Variants in TRAPPC2L observed in about 807,000 individuals in gnomAD.
TRAPPC2L encodes trafficking protein particle complex subunit 2L.
In TRAPPC2L, 17 loss-of-function variants were observed where a neutral mutation model predicts 13.2. That is an observed-to-expected ratio of 1.29 (90% CI 0.88 to 1.93). The LOEUF (loss-of-function observed/expected upper bound fraction) is 1.93. Ranked by LOEUF, TRAPPC2L falls within the 30% of genes most tolerant of loss-of-function variation. TRAPPC2L has a pLI of 0.00. For missense variants in TRAPPC2L, 359 were observed against 252.1 expected, an observed-to-expected ratio of 1.42 and a Z score of -2.87; for synonymous variants, 150 against 98.1, an observed-to-expected ratio of 1.53 and a Z score of -3.12.
chr16:88,858,710 A>T, exon 2 of TRAPPC2L: 2 of 1,613,636 alleles, frequency 1.2e-6, no homozygotes, highest in Non-Finnish European at 1.7e-6. Context: ...GTGGATGAGA[A>T]GATCTCCGCA....
chr16:88,856,938 C>T (rs1820483602), upstream of TRAPPC2L: 7 of 1,464,164 alleles, frequency 4.8e-6, no homozygotes, highest in Admixed American at 5.1e-5. Flanking sequence ...GTCCGCCGGC[C>T]CTTCCGGCTG....
At chr16:88,859,129 A>C (rs888140383) in intron 2 of TRAPPC2L, 1 of 438,838 alleles carries the variant, frequency 2.3e-6, no homozygotes, top group East Asian at 4.9e-5. Context: ...AGGGGATAAT[A>C]GTTTCATTTA....
chr16:88,857,997 C>G (rs1968082090), intron 1 of TRAPPC2L, among the ~76,000 whole-genome samples: 1 of 152,074 alleles, frequency 6.6e-6, no homozygotes, highest in African/African-American at 2.4e-5. Flanking sequence ...TGATCATTTG[C>G]TTGTTTGTGG....
upstream of TRAPPC2L, chr16:88,856,314 A>C (rs1183787381): frequency 5.7e-6 from 4 of 702,688 alleles, no homozygotes; most frequent in Admixed American, 8.0e-5. Context: ...AGGGCGACGC[A>C]GCTCTCAGGC....
At chr16:88,861,460 G>C (rs1455259242) in exon 4 of TRAPPC2L, 32 of 349,944 alleles carry the variant, frequency 9.1e-5, no homozygotes, top group Non-Finnish European at 1.7e-4. Context: ...TTTGCATCTG[G>C]CTCAATGTCT....
At chr16:88,856,580 T>TC (rs1390574172), upstream of TRAPPC2L, 11 of 425,796 alleles carry the variant, frequency 2.6e-5, no homozygotes, top group African/African-American at 1.9e-4. Context: ...CGCACGGGGA[T>TC]ACCCCCCGTC....
chr16:88,860,016 C>G (rs750449540), exon 4 of TRAPPC2L: 1 of 1,472,300 alleles, frequency 6.8e-7, no homozygotes, highest in Admixed American at 1.8e-5. Flanking sequence ...TTCTGTAGGA[C>G]ATGCCTTGCC....
At chr16:88,859,540 C>T in intron 2 of TRAPPC2L, 123 bp from the exon 3 acceptor site, 1 of 962,930 alleles carries the variant, frequency 1.0e-6, no homozygotes, top group South Asian at 1.3e-5. Flanking sequence ...CACTGCAGGA[C>T]CAGCCCAGCA....
exon 2 of TRAPPC2L, chr16:88,858,702 G>A: frequency 1.2e-6 from 2 of 1,613,640 alleles, no homozygotes; most frequent in Non-Finnish European, 1.7e-6. Flanking sequence ...TGGACGTGGT[G>A]GATGAGAAGA....
Position 88,857,184 on chromosome 16 carries a change from G to A in TRAPPC2L, c.33+1G>A, listed in dbSNP as rs1462922220. The A allele has an allele frequency of 3.8e-6, 6 of 1,575,512 alleles. No individual in the cohort carries two copies. Among genetic ancestry groups the A allele is most frequent in the South Asian group, 2.3e-5 (2 of 87,424 alleles). Reference sequence around the variant, plus strand: ...GTGCATCGCGGTGATTGCCAAGGAGGTGCGTACGCGCGGCGTGGGGCGTCC... The same window carrying A: ...GTGCATCGCGGTGATTGCCAAGGAGATGCGTACGCGCGGCGTGGGGCGTCC... On this transcript the variant is annotated splice_donor_variant, in intron 1 of 3. Transcript: ENST00000565504. LOFTEE classifies it high-confidence loss of function.
chr16:88,857,365 C>T (rs902992614), intron 1 of TRAPPC2L, 182 bp downstream of exon 1: 6 of 558,024 alleles, frequency 1.1e-5, no homozygotes, highest in Non-Finnish European at 1.8e-5. Context: ...TGACTGAGAC[C>T]CCAGTTCCGC....
exon 4 of TRAPPC2L, chr16:88,860,353 G>T: frequency 1.5e-6 from 1 of 664,022 alleles, no homozygotes; most frequent in South Asian, 1.6e-5. Flanking sequence ...GAACAGTCAG[G>T]AACCTGGTTT....
upstream of TRAPPC2L, chr16:88,857,106 A>G (rs753641427): frequency 2.0e-6 from 3 of 1,522,354 alleles, no homozygotes; most frequent in South Asian, 1.2e-5. Context: ...CCGCGTGACC[A>G]GCGGCGGGTC....
chr16:88,860,841 C>A, exon 4 of TRAPPC2L: 2 of 1,503,740 alleles, frequency 1.3e-6, no homozygotes, highest in Non-Finnish European at 1.8e-6. Flanking sequence ...TGGAGCCATG[C>A]TGCCCGGCCC....
upstream of TRAPPC2L, chr16:88,856,654 T>G (rs1597614137): frequency 1.1e-5 from 3 of 281,954 alleles, no homozygotes; most frequent in Non-Finnish European, 2.1e-5. Flanking sequence ...CCCTCACCTC[T>G]CCCCCCACCC....
intron 1 of TRAPPC2L, 128 bp from the exon 2 acceptor site, chr16:88,858,491 C>T: frequency 4.3e-6 from 4 of 928,506 alleles, no homozygotes; most frequent in Non-Finnish European, 6.5e-6. Flanking sequence ...GAGAATGAAG[C>T]GGTGGGCCTT....
chr16:88,859,867 G>A, intron 3 of TRAPPC2L, 26 bp from the exon 4 acceptor site: 3 of 1,556,842 alleles, frequency 1.9e-6, no homozygotes, highest in Non-Finnish European at 2.6e-6. Flanking sequence ...ATGTGGCAAG[G>A]TCATGGTTTG....
intron 2 of TRAPPC2L, chr16:88,859,037 T>C (rs1420521547): frequency 3.7e-6 from 2 of 541,958 alleles, no homozygotes; most frequent in African/African-American, 3.8e-5. Flanking sequence ...TTGTCTGGTT[T>C]GCAGAGGAAG....
At chr16:88,857,293 G>A (rs1207585966) in intron 1 of TRAPPC2L, 110 bp downstream of exon 1, 1 of 1,067,898 alleles carries the variant, frequency 9.4e-7, no homozygotes, top group East Asian at 3.2e-5. Context: ...GGACCTGGAG[G>A]AGGCCTTCGC....
Sources: gnomAD v4.1 joint callset for allele counts (sites outside exome capture counted in the v4.1 genomes callset) on GRCh38, gnomAD v4.1.1 for gene constraint, MANE v1.5 for transcripts, NCBI Gene and HGNC (gene_info 2026-07-23, HGNC 2026-07-21) for gene names.